SPECC1L: variants seen among roughly 807,000 people sequenced by gnomAD.
SPECC1L encodes sperm antigen with calponin homology and coiled-coil domains 1 like, also known as cytospin-A.
A neutral mutation model predicts 116.8 loss-of-function variants in SPECC1L; 40 were observed. The observed-to-expected ratio is 0.34, with a 90% confidence interval of 0.27 to 0.45. The LOEUF is 0.45. SPECC1L is among the 20% of genes least tolerant of loss of function. SPECC1L has a pLI of 1.00. For synonymous variants in SPECC1L, 504 were observed against 500.6 expected (o/e 1.01, Z -0.09); for missense variants, 1,110 against 1,373.6 (o/e 0.81, Z 3.03).
At position 24,328,243 on chromosome 22, in the gene SPECC1L, T is replaced by G. The variant is rs565089098; in HGVS notation, c.2147-603T>G. Among the ~76,000 whole-genome samples the G allele has an allele frequency of 6.4e-4, 97 of 152,360 alleles. 3 individuals are homozygous for G. In the South Asian group the frequency reaches 0.02, roughly 31 times the overall value. On this transcript the variant is annotated intron_variant, in intron 6 of 16. Coordinates refer to ENST00000314328, the MANE Select transcript of SPECC1L (RefSeq NM_015330.6). ...TTTGCATCTTATTGGTGGTGCTCAT[T>G]GAATGTTTTTAGAGTGAATGAAATT...
chr22:24,321,867 C>T lies in SPECC1L; in HGVS notation c.887C>T (p.Pro296Leu), dbSNP rs144609692. The T allele has an allele frequency of 4.3e-5, 69 of 1,614,198 alleles. No homozygotes were observed. In the African/African-American group the frequency reaches 8.8e-4, roughly 21 times the overall value. ...EKLFGYQSLS[P>L]EITPGNQSDG... is the part of the protein sequence containing the mutation. ...CTGTTTGGCTATCAGTCCCTGAGCCCAGAAATCACCCCTGGTAACCAGAGC... is the reference window on the plus strand; with the variant it reads ...CTGTTTGGCTATCAGTCCCTGAGCCTAGAAATCACCCCTGGTAACCAGAGC... The change falls in exon 5 of 17, where the codon CCA becomes CTA. Residue 296 changes from proline to leucine, a missense_variant. Physicochemically the swap from Pro to Leu is moderately conservative, Grantham distance 98. Transcript: ENST00000314328.
chr22:24,380,653 C>G (rs551143783), intron 14 of SPECC1L, among the ~76,000 whole-genome samples: 36 of 152,284 alleles, frequency 2.4e-4, no homozygotes, highest in African/African-American at 8.4e-4. Context: ...TCTCTTTTAA[C>G]TTGTGCCCTG....
chr22:24,284,103 C>G (rs980486030), intron 2 of SPECC1L, among the ~76,000 whole-genome samples: 3 of 152,008 alleles, frequency 2.0e-5, no homozygotes, highest in Admixed American at 2.0e-4. Flanking sequence ...GATGTTTATT[C>G]TTTTCTTCTC....
chr22:24,289,021 G>T (rs370656672), intron 2 of SPECC1L, among the ~76,000 whole-genome samples: 1 of 152,082 alleles, frequency 6.6e-6, no homozygotes, highest in Admixed American at 6.5e-5. Context: ...CACATCAGAG[G>T]TTGTTATAAA....
intron 3 of SPECC1L, among the ~76,000 whole-genome samples, chr22:24,304,919 C>T (rs768158780): frequency 5.3e-5 from 8 of 152,110 alleles, no homozygotes; most frequent in Non-Finnish European, 1.0e-4. Context: ...TATTTGTGTC[C>T]GGAATGCTTG....
At chr22:24,290,361 C>T (rs1292348500) in intron 2 of SPECC1L, among the ~76,000 whole-genome samples, 1 of 152,160 alleles carries the variant, frequency 6.6e-6, no homozygotes, top group Non-Finnish European at 1.5e-5. Flanking sequence ...ATCTGGATGC[C>T]ATCTTTCCTC....
intron 11 of SPECC1L, among the ~76,000 whole-genome samples, chr22:24,353,810 GTTAAA>G (rs1434484620): frequency 6.6e-6 from 1 of 152,176 alleles, no homozygotes; most frequent in African/African-American, 2.4e-5. Context: ...TACTTCTGAT[GTTAAA>G]TTAACTTTGT....
At chr22:24,361,511 G>C (rs1484714153) in intron 11 of SPECC1L, among the ~76,000 whole-genome samples, 1 of 152,200 alleles carries the variant, frequency 6.6e-6, no homozygotes, top group Non-Finnish European at 1.5e-5. Context: ...AACAAGCCTG[G>C]TGTGGTGGCA....
chr22:24,299,330 G>A (rs34949904), intron 2 of SPECC1L, among the ~76,000 whole-genome samples: 32,451 of 151,942 alleles, frequency 0.21, 3,883 homozygotes, highest in Admixed American at 0.29. Context: ...CCAGCTATTC[G>A]GGAGGCTGAG....
Position 24,411,601 on chromosome 22 carries a change from C to T in SPECC1L, c.3101C>T (p.Thr1034Ile), listed in dbSNP as rs547090925. Reference sequence around the variant, plus strand: ...CCTTTCCTTCAGAATATTGACATTACAAACTTCAGCAGCAGCTGGAATGAT... The same window carrying T: ...CCTTTCCTTCAGAATATTGACATTATAAACTTCAGCAGCAGCTGGAATGAT... ...KTEGYQNIDI[T>I]NFSSSWNDGL... The change falls in exon 15 of 17, where the codon ACA becomes ATA. Residue 1034 changes from threonine to isoleucine, a missense_variant. By Grantham distance (89) the Thr-to-Ile change is moderately conservative. Around this residue, in one of 4 missense-constraint regions of SPECC1L, gnomAD observed 76 missense variants for 148.5 expected, o/e 0.51. Coordinates refer to ENST00000314328, the MANE Select transcript of SPECC1L (RefSeq NM_015330.6). 6.2e-7 allele frequency: 1 copy of T among 1,614,126 alleles called. No homozygotes were observed. Among genetic ancestry groups the T allele is most frequent in the African/African-American group, 1.3e-5 (1 of 75,072 alleles).
chr22:24,324,519 G>T (rs901127816), intron 6 of SPECC1L, 92 bp downstream of exon 6: 15 of 1,164,910 alleles, frequency 1.3e-5, no homozygotes, highest in Non-Finnish European at 1.7e-5. Context: ...GGCTGGGCAC[G>T]GTGGCTCATG....
In SPECC1L at chr22:24,355,334, C is replaced by T. The variant is rs143819540; in HGVS notation, c.2744-7927C>T. Among the ~76,000 whole-genome samples the T allele has an allele frequency of 7.0e-4, 105 of 150,096 alleles. 1 individual carries two copies. The East Asian group carries it at 8.3e-3, about 12-fold the overall frequency. ...CCAAGATCCAGGTGCTAAATGTGCT[C>T]ATTGCTACTGGGGTTTCACAGCCTT... On this transcript the variant is annotated intron_variant, in intron 11 of 16. Transcript: ENST00000314328.
At chr22:24,297,548 T>G (rs1312784574) in intron 2 of SPECC1L, among the ~76,000 whole-genome samples, 1 of 152,198 alleles carries the variant, frequency 6.6e-6, no homozygotes, top group African/African-American at 2.4e-5. Context: ...TATATATGAT[T>G]GTGTCATGCG....
At chr22:24,317,491 CCCCA>C in intron 4 of SPECC1L, among the ~76,000 whole-genome samples, 1 of 132,612 alleles carries the variant, frequency 7.5e-6, no homozygotes, top group African/African-American at 2.6e-5. Flanking sequence ...GGGCTGACCC[CCCCA>C]CCTCCCTCCC....
Position 24,347,105 on chromosome 22 carries a change from C to G in SPECC1L, c.2672C>G (p.Pro891Arg), listed in dbSNP as rs1424987560. The G allele has an allele frequency of 6.2e-7, 1 of 1,613,802 alleles. No individual in the cohort carries two copies. The highest frequency in any genetic ancestry group is 1.7e-5 in the Admixed American group (1 of 60,020). The change falls in exon 11 of 17, where the codon CCA becomes CGA. Residue 891 changes from proline (P) to arginine (R), a missense_variant. By Grantham distance (103) the Pro-to-Arg change is moderately radical (BLOSUM62 -2). This residue lies in a region of SPECC1L where 575 missense variants were observed against 682.4 expected (regional missense o/e 0.84). Transcript: ENST00000314328. ...TTTCAGAGACATTCCATAAGTGGAC[C>G]AATCTCAACATCCAAACCCCTGACA... ...SPMQRHSISGPISTSKPLTAL... is the reference protein window; with the variant it reads ...SPMQRHSISGRISTSKPLTAL...
intron 2 of SPECC1L, among the ~76,000 whole-genome samples, chr22:24,288,286 G>T (rs2049084032): frequency 6.6e-6 from 1 of 152,012 alleles, no homozygotes; most frequent in Non-Finnish European, 1.5e-5. Flanking sequence ...CCAGTGTGTT[G>T]TAGGGAGTTT....
intron 14 of SPECC1L, among the ~76,000 whole-genome samples, chr22:24,407,809 C>T (rs572818980): frequency 6.6e-6 from 1 of 152,304 alleles, no homozygotes; most frequent in Admixed American, 6.5e-5. Flanking sequence ...AATTACGGAG[C>T]AAGTGAGTCC....
intron 10 of SPECC1L, among the ~76,000 whole-genome samples, chr22:24,342,873 A>G (rs1043616052): frequency 1.3e-5 from 2 of 151,948 alleles, no homozygotes; most frequent in Non-Finnish European, 2.9e-5. Context: ...CGGGGGGCAG[A>G]GTGGGAAGTG....
At chr22:24,347,009 AT>A in intron 10 of SPECC1L, 76 bp from the exon 11 acceptor site, 3 of 1,112,650 alleles carry the variant, frequency 2.7e-6, no homozygotes, top group Non-Finnish European at 4.1e-6. Context: ...ATAACTAAAT[AT>A]CTACTCTGTG....
Sources: gnomAD v4.1 joint callset for allele counts (sites outside exome capture counted in the v4.1 genomes callset) on GRCh38, gnomAD v4.1.1 for gene constraint, gnomAD v4.1.1 regional missense constraint, MANE v1.5 for transcripts, NCBI Gene and HGNC (gene_info 2026-07-23, HGNC 2026-07-21) for gene names.